The following PRMT3 variants were observed in gnomAD, a reference collection of about 807,000 sequenced individuals.
The protein encoded by PRMT3 is protein arginine methyltransferase 3.
In PRMT3, 62 loss-of-function variants were observed where a neutral mutation model predicts 71.9. The ratio of observed to expected loss-of-function variants is 0.86; its 90% confidence interval spans 0.70 to 1.07. The LOEUF is 1.07. Among genes scored for constraint, PRMT3 ranks in the 50% least tolerant of loss-of-function variants. The pLI, the probability that PRMT3 is intolerant of heterozygous loss-of-function variation, is 0.00. For synonymous variants in PRMT3, 213 were observed against 220.4 expected (o/e 0.97, Z 0.30); for missense variants, 663 against 643.0 (o/e 1.03, Z -0.34).
intron 8 of PRMT3, chr11:20,407,643 G>T: frequency 4.0e-6 from 1 of 246,966 alleles, no homozygotes; most frequent in Non-Finnish European, 7.9e-6. Context: ...ATATCAGGAT[G>T]GTTAGATTAT....
chr11:20,396,510 C>T (rs1293148763), intron 6 of PRMT3, among the ~76,000 whole-genome samples: 5 of 151,916 alleles, frequency 3.3e-5, no homozygotes, highest in African/African-American at 1.2e-4. Context: ...TGGTGGTGCA[C>T]GCCTGTAATC....
chr11:20,498,601 G>A (rs988688103), intron 15 of PRMT3, among the ~76,000 whole-genome samples: 1 of 151,976 alleles, frequency 6.6e-6, no homozygotes, highest in East Asian at 1.9e-4. Context: ...GTGGTAGCAC[G>A]CACCTGTAAT....
intron 4 of PRMT3, 37 bp from the exon 5 acceptor site, chr11:20,392,860 T>C (rs761663780): frequency 7.7e-7 from 1 of 1,295,256 alleles, no homozygotes; most frequent in Non-Finnish European, 1.1e-6. Flanking sequence ...TGTGATTATA[T>C]GTAATGAAAA....
At chr11:20,496,639 A>G (rs1362208367) in intron 15 of PRMT3, among the ~76,000 whole-genome samples, 1 of 150,256 alleles carries the variant, frequency 6.7e-6, no homozygotes, top group Non-Finnish European at 1.5e-5. Flanking sequence ...GTGGGGGTCA[A>G]TGTCATATAA....
rs552420760 is a variant in PRMT3, at chr11:20,415,999, A to T, written c.893+7967A>T. ...GACATTTTCTTCCCCTTTACCCAACATACCTGTTGGAGACAGAGTCCTGTT... is the reference window on the plus strand; with the variant it reads ...GACATTTTCTTCCCCTTTACCCAACTTACCTGTTGGAGACAGAGTCCTGTT... On this transcript the variant is annotated intron_variant, in intron 9 of 15. Transcript: ENST00000331079. 1.1e-4 allele frequency among the ~76,000 whole-genome samples: 17 copies of T among 152,320 alleles called. No individual in the cohort carries two copies. In the East Asian group the frequency reaches 2.7e-3, roughly 24 times the overall value.
chr11:20,467,411 C>T (rs1171470565), intron 13 of PRMT3, among the ~76,000 whole-genome samples: 1 of 152,122 alleles, frequency 6.6e-6, no homozygotes, highest in Non-Finnish European at 1.5e-5. Flanking sequence ...AATAAAATCT[C>T]CTTACTCTTT....
chr11:20,493,875 T>A lies in PRMT3; in HGVS notation c.1348-44T>A, dbSNP rs370618758. On this transcript the variant is annotated intron_variant, in intron 13 of 15. Transcript: ENST00000331079. ...GACAGTAATGAGTTATTATATTATG[T>A]AATTCATTTAGTAAGCATTTATATT... The A allele has an allele frequency of 6.1e-6, 8 of 1,302,682 alleles. No individual in the cohort carries two copies. The African/African-American group carries it at 1.2e-4, about 19-fold the overall frequency. 80.7% of individuals were successfully genotyped at this position (1,302,682 alleles called of 1,614,324 possible).
At chr11:20,508,179 AC>A (rs112948648) in intron 15 of PRMT3, 124 bp from the exon 16 acceptor site, 2 of 509,796 alleles carry the variant, frequency 3.9e-6, no homozygotes, top group South Asian at 3.3e-5. Context: ...AAGAATATTA[AC>A]CTTAAATAAA....
intron 13 of PRMT3, among the ~76,000 whole-genome samples, chr11:20,489,311 C>T (rs1168614124): frequency 6.6e-6 from 1 of 152,224 alleles, no homozygotes; most frequent in African/African-American, 2.4e-5. Flanking sequence ...GATTTTAATG[C>T]TTTTTTCCCC....
chr11:20,393,074 T>G, intron 5 of PRMT3, 75 bp downstream of exon 5: 1 of 910,538 alleles, frequency 1.1e-6, no homozygotes, highest in Non-Finnish European at 1.7e-6. Context: ...GGTAGAGTGT[T>G]TTAGGAAAAG....
intron 10 of PRMT3, among the ~76,000 whole-genome samples, chr11:20,446,251 T>C (rs765446385): frequency 2.6e-5 from 4 of 152,150 alleles, no homozygotes; most frequent in Non-Finnish European, 5.9e-5. Flanking sequence ...AGTCATGTAG[T>C]AGTTTCCCAT....
intron 13 of PRMT3, among the ~76,000 whole-genome samples, chr11:20,466,142 A>G (rs1318870237): frequency 6.6e-6 from 1 of 152,120 alleles, no homozygotes; most frequent in Non-Finnish European, 1.5e-5. Flanking sequence ...CTTTTTTTCT[A>G]GTTTATTGGT....
intron 10 of PRMT3, among the ~76,000 whole-genome samples, chr11:20,444,918 G>T (rs1215964969): frequency 2.6e-5 from 4 of 151,900 alleles, no homozygotes; most frequent in Non-Finnish European, 5.9e-5. Context: ...ATGGTTATTA[G>T]GTGCATACAC....
At chr11:20,433,895 T>C (rs1849708404) in intron 10 of PRMT3, among the ~76,000 whole-genome samples, 1 of 152,168 alleles carries the variant, frequency 6.6e-6, no homozygotes, top group African/African-American at 2.4e-5. Flanking sequence ...GCTGGGATTA[T>C]AGGCGTGCAC....
intron 9 of PRMT3, among the ~76,000 whole-genome samples, chr11:20,414,206 C>G (rs1312187517): frequency 2.0e-5 from 3 of 152,076 alleles, no homozygotes; most frequent in Non-Finnish European, 2.9e-5. Context: ...ATAAATACCT[C>G]TACTAACAAT....
At chr11:20,406,349 G>A (rs1849069964) in intron 8 of PRMT3, 1 of 152,232 alleles carries the variant, frequency 6.6e-6, no homozygotes, top group African/African-American at 2.4e-5. Context: ...TCGATTAGCA[G>A]TTGGTTGACT....
At chr11:20,463,622 T>G (rs931709539) in intron 12 of PRMT3, among the ~76,000 whole-genome samples, 2 of 152,184 alleles carry the variant, frequency 1.3e-5, no homozygotes, top group African/African-American at 4.8e-5. Flanking sequence ...GTTCTGTATT[T>G]TCCAGTCCTC....
At chr11:20,416,132 A>T (rs534354426) in intron 9 of PRMT3, among the ~76,000 whole-genome samples, 1 of 152,218 alleles carries the variant, frequency 6.6e-6, no homozygotes, top group Admixed American at 6.5e-5. Context: ...TCTGCACTTA[A>T]CTGGACCAGT....
intron 10 of PRMT3, among the ~76,000 whole-genome samples, chr11:20,427,444 T>G (rs7111937): frequency 0.97 from 148,253 of 152,342 alleles, 72,458 homozygotes; most frequent in Middle Eastern, 1. Context: ...ATTAATGGAG[T>G]CTGGGTATGG....
Sources: gnomAD v4.1 joint callset for allele counts (sites outside exome capture counted in the v4.1 genomes callset) on GRCh38, gnomAD v4.1.1 for gene constraint, MANE v1.5 for transcripts, NCBI Gene and HGNC (gene_info 2026-07-23, HGNC 2026-07-21) for gene names.